CTNNA2: variants seen among roughly 807,000 people sequenced by gnomAD.
CTNNA2 encodes the protein catenin alpha 2, also known as catenin alpha-2.
A neutral mutation model predicts 101.0 loss-of-function variants in CTNNA2; 42 were observed. The ratio of observed to expected loss-of-function variants is 0.42; its 90% CI spans 0.32 to 0.54. The LOEUF (loss-of-function observed/expected upper bound fraction) is 0.54. Among genes scored for constraint, CTNNA2 ranks in the 20% least tolerant of loss-of-function variants. CTNNA2 has a pLI of 0.14. For missense variants in CTNNA2, 871 were observed against 1,223.1 expected (o/e 0.71, Z 4.29); for synonymous variants, 450 against 456.4 (o/e 0.99, Z 0.18).
chr2:79,310,432 C>T (rs1306897183), intron 2 of CTNNA2, among the ~76,000 whole-genome samples: 1 of 152,136 alleles, frequency 6.6e-6, no homozygotes, highest in Non-Finnish European at 1.5e-5. Flanking sequence ...TTCCTACATA[C>T]ATTTAAACCA....
chr2:79,224,289 C>A (rs970815154), intron 2 of CTNNA2, among the ~76,000 whole-genome samples: 3 of 152,008 alleles, frequency 2.0e-5, no homozygotes, highest in Non-Finnish European at 2.9e-5. Context: ...TTTACCAAAC[C>A]AATGAATCAC....
At chr2:79,213,879 T>C (rs1032568999) in intron 2 of CTNNA2, among the ~76,000 whole-genome samples, 3 of 152,096 alleles carry the variant, frequency 2.0e-5, no homozygotes, top group Non-Finnish European at 2.9e-5. Context: ...GAGTTGAGCA[T>C]AGTTTGTGAT....
chr2:79,338,522 A>C (rs1677048332), intron 3 of CTNNA2, among the ~76,000 whole-genome samples: 1 of 152,104 alleles, frequency 6.6e-6, no homozygotes, highest in Non-Finnish European at 1.5e-5. Flanking sequence ...GGACATGAAA[A>C]TACTTTAAGA....
intron 9 of CTNNA2, among the ~76,000 whole-genome samples, chr2:80,457,782 T>C (rs1381142574): frequency 6.6e-6 from 1 of 152,246 alleles, no homozygotes; most frequent in Non-Finnish European, 1.5e-5. Flanking sequence ...TCAGGGATTT[T>C]AATGCTCCTC....
At chr2:80,156,217 C>G (rs1573245645) in intron 7 of CTNNA2, among the ~76,000 whole-genome samples, 1 of 152,190 alleles carries the variant, frequency 6.6e-6, no homozygotes, top group South Asian at 2.1e-4. Context: ...TCTTCCAAAT[C>G]TAGCCAATCA....
intron 7 of CTNNA2, among the ~76,000 whole-genome samples, chr2:80,242,056 G>A (rs1196178013): frequency 6.6e-6 from 1 of 152,132 alleles, no homozygotes; most frequent in Non-Finnish European, 1.5e-5. Context: ...AAGAAAAACA[G>A]TTGAAAACAA....
intron 7 of CTNNA2, among the ~76,000 whole-genome samples, chr2:80,131,284 C>T (rs537799136): frequency 1.3e-5 from 2 of 152,118 alleles, no homozygotes; most frequent in South Asian, 2.1e-4. Flanking sequence ...GTCTCGAACT[C>T]CTGGCCTCAA....
chr2:79,659,226 T>G (rs1206351156), intron 2 of CTNNA2, among the ~76,000 whole-genome samples: 1 of 151,732 alleles, frequency 6.6e-6, no homozygotes, highest in Non-Finnish European at 1.5e-5. Flanking sequence ...TTTTTTTTTT[T>G]TTTTTTGCTA....
At chr2:80,199,726 C>T (rs1441273489) in intron 7 of CTNNA2, among the ~76,000 whole-genome samples, 1 of 152,196 alleles carries the variant, frequency 6.6e-6, no homozygotes, top group Middle Eastern at 3.2e-3. Flanking sequence ...TTTGTTTAGA[C>T]TTGATCCTTC....
intron 7 of CTNNA2, among the ~76,000 whole-genome samples, chr2:80,139,524 G>GT (rs1268008462): frequency 6.6e-6 from 1 of 152,022 alleles, no homozygotes; most frequent in Admixed American, 6.6e-5. Context: ...AAAGGCTACA[G>GT]TTTTCACCCC....
At chr2:79,222,299 C>A (rs1225059335) in intron 2 of CTNNA2, among the ~76,000 whole-genome samples, 1 of 152,222 alleles carries the variant, frequency 6.6e-6, no homozygotes, top group African/African-American at 2.4e-5. Flanking sequence ...AGATTTGGCA[C>A]ACAGGTGGCC....
At chr2:79,364,892 T>C (rs535742356) in intron 3 of CTNNA2, among the ~76,000 whole-genome samples, 1 of 152,320 alleles carries the variant, frequency 6.6e-6, no homozygotes, top group South Asian at 2.1e-4. Flanking sequence ...GTTTCTTTGC[T>C]TACAAAACAT....
chr2:79,407,769 TC>T (rs913360448), intron 4 of CTNNA2, among the ~76,000 whole-genome samples: 1 of 151,938 alleles, frequency 6.6e-6, no homozygotes, highest in Non-Finnish European at 1.5e-5. Context: ...AAAAGGATAG[TC>T]TTACCCACAT....
intron 7 of CTNNA2, among the ~76,000 whole-genome samples, chr2:80,207,294 G>C (rs1707593935): frequency 6.6e-6 from 1 of 152,198 alleles, no homozygotes; most frequent in Admixed American, 6.5e-5. Context: ...TCCAGACAGA[G>C]AGAAATGGAG....
intron 6 of CTNNA2, among the ~76,000 whole-genome samples, chr2:79,905,448 A>T (rs534371492): frequency 6.6e-6 from 1 of 152,282 alleles, no homozygotes; most frequent in South Asian, 2.1e-4. Flanking sequence ...ATAAGTCTGT[A>T]AAGTTGTAAA....
At position 80,031,112 on chromosome 2, in the gene CTNNA2, C is replaced by A. The variant is rs572406290; in HGVS notation, c.1056+121315C>A. Among the ~76,000 whole-genome samples, 14 of 151,792 alleles carry A rather than the reference C, an allele frequency of 9.2e-5. No individual in the cohort carries two copies. The South Asian group carries it at 2.9e-3, about 32-fold the overall frequency. ...ATAATCCCATTTCCAGGCATAAATCCCAGAGATATACAGAGGTGCACAATG... is the reference window on the plus strand; with the variant it reads ...ATAATCCCATTTCCAGGCATAAATCACAGAGATATACAGAGGTGCACAATG... On this transcript the variant is annotated intron_variant, in intron 7 of 18. Coordinates refer to ENST00000402739, the MANE Select transcript of CTNNA2 (RefSeq NM_001282597.3).
At chr2:79,605,299 T>C (rs1434718612) in intron 1 of CTNNA2, among the ~76,000 whole-genome samples, 3 of 152,018 alleles carry the variant, frequency 2.0e-5, no homozygotes, top group Non-Finnish European at 4.4e-5. Flanking sequence ...AACATCATGA[T>C]GGAGCAGAAA....
At chr2:80,182,037 A>G (rs1483626998) in intron 7 of CTNNA2, among the ~76,000 whole-genome samples, 2 of 152,190 alleles carry the variant, frequency 1.3e-5, no homozygotes, top group Non-Finnish European at 2.9e-5. Flanking sequence ...GGATAAATGT[A>G]TATATGAAAG....
intron 2 of CTNNA2, among the ~76,000 whole-genome samples, chr2:79,228,566 A>G (rs1674450213): frequency 6.6e-6 from 1 of 152,102 alleles, no homozygotes; most frequent in Non-Finnish European, 1.5e-5. Context: ...GAGAAATGTC[A>G]GTTCATGTCC....
Sources: gnomAD v4.1 joint callset for allele counts (sites outside exome capture counted in the v4.1 genomes callset) on GRCh38, gnomAD v4.1.1 for gene constraint, MANE v1.5 for transcripts, NCBI Gene and HGNC (gene_info 2026-07-23, HGNC 2026-07-21) for gene names.